Variants in GNG12 observed in about 807,000 individuals in gnomAD.
GNG12 encodes G protein subunit gamma 12, also known as guanine nucleotide-binding protein G(I)/G(S)/G(O) subunit gamma-12.
For missense variants in GNG12, 69 were observed against 83.8 expected (o/e 0.82, Z 0.69); for synonymous variants, 28 against 29.7 (o/e 0.94, Z 0.19).
At chr1:67,827,861 A>G (rs748133110) in intron 1 of GNG12, among the ~76,000 whole-genome samples, 5 of 152,354 alleles carry the variant, frequency 3.3e-5, no homozygotes, top group South Asian at 2.1e-4. Flanking sequence ...AAAGACTAAC[A>G]TGATAAACCA....
chr1:67,723,181 G>C (rs564018274), intron 2 of GNG12, among the ~76,000 whole-genome samples: 1 of 152,298 alleles, frequency 6.6e-6, no homozygotes, highest in Admixed American at 6.5e-5. Context: ...TCCATTCTTG[G>C]GGCTGAATGG....
intron 1 of GNG12, among the ~76,000 whole-genome samples, chr1:67,828,287 C>G (rs78860153): frequency 1.3e-5 from 2 of 152,088 alleles, no homozygotes; most frequent in African/African-American, 4.8e-5. Context: ...GGAAGGTCAC[C>G]TAAAAGGAGT....
intron 2 of GNG12, among the ~76,000 whole-genome samples, chr1:67,708,660 G>T (rs1646264019): frequency 6.6e-6 from 1 of 152,230 alleles, no homozygotes; most frequent in African/African-American, 2.4e-5. Flanking sequence ...GGGGAAAAGT[G>T]TTGCCTGGTG....
chr1:67,750,000 C>CTA (rs1646529016), intron 2 of GNG12, among the ~76,000 whole-genome samples: 1 of 152,158 alleles, frequency 6.6e-6, no homozygotes, highest in African/African-American at 2.4e-5. Flanking sequence ...CTCAGAAAGG[C>CTA]TATGATTCAC....
intron 2 of GNG12, among the ~76,000 whole-genome samples, chr1:67,709,789 C>T (rs1474190475): frequency 7.2e-6 from 1 of 139,648 alleles, no homozygotes; most frequent in Non-Finnish European, 1.5e-5. Context: ...GTGTGCAGTG[C>T]TCTGACTCAC....
chr1:67,712,831 C>CT (rs11310806), intron 2 of GNG12, among the ~76,000 whole-genome samples: 108 of 147,160 alleles, frequency 7.3e-4, no homozygotes, highest in Middle Eastern at 7.1e-3. Context: ...CCATGTGGTT[C>CT]TTTTTTTTTT....
chr1:67,708,207 T>C (rs1317162895), intron 2 of GNG12, among the ~76,000 whole-genome samples: 1 of 152,220 alleles, frequency 6.6e-6, no homozygotes, highest in Non-Finnish European at 1.5e-5. Flanking sequence ...AGAGAGCTCC[T>C]CTAGAGAACT....
At chr1:67,779,301 A>G (rs1646724040) in intron 1 of GNG12, among the ~76,000 whole-genome samples, 1 of 152,210 alleles carries the variant, frequency 6.6e-6, no homozygotes, top group Admixed American at 6.5e-5. Flanking sequence ...CTGCCAAATC[A>G]CAGAGACGGA....
At chr1:67,773,777 C>T (rs535539288) in intron 2 of GNG12, among the ~76,000 whole-genome samples, 35 of 152,246 alleles carry the variant, frequency 2.3e-4, no homozygotes, top group African/African-American at 7.5e-4. Flanking sequence ...GATTTCAACT[C>T]GCGTGCCCAA....
chr1:67,794,400 G>A (rs917975781), intron 1 of GNG12, among the ~76,000 whole-genome samples: 6 of 152,190 alleles, frequency 3.9e-5, no homozygotes, highest in Non-Finnish European at 7.3e-5. Flanking sequence ...CAGGGGTAGT[G>A]TGATCCATGC....
intron 1 of GNG12, among the ~76,000 whole-genome samples, chr1:67,805,916 T>C (rs1341599806): frequency 7.0e-6 from 1 of 143,010 alleles, no homozygotes; most frequent in Non-Finnish European, 1.5e-5. Context: ...AAAAAAAAAA[T>C]CTTACCCATC....
At chr1:67,803,570 C>A (rs552147029) in intron 1 of GNG12, among the ~76,000 whole-genome samples, 10 of 152,268 alleles carry the variant, frequency 6.6e-5, no homozygotes, top group African/African-American at 2.4e-4. Context: ...GCCTCCTGTG[C>A]CATATCTATA....
chr1:67,747,061 T>C (rs900209238), intron 2 of GNG12, among the ~76,000 whole-genome samples: 4 of 152,216 alleles, frequency 2.6e-5, no homozygotes, highest in African/African-American at 7.2e-5. Flanking sequence ...GATCCAACTT[T>C]TATGCACACA....
intron 2 of GNG12, among the ~76,000 whole-genome samples, chr1:67,756,930 T>C (rs1326269806): frequency 6.6e-6 from 1 of 152,242 alleles, no homozygotes; most frequent in Admixed American, 6.5e-5. Context: ...CCAGGTGGCC[T>C]GACAGGGCCT....
intron 2 of GNG12, among the ~76,000 whole-genome samples, chr1:67,774,127 C>G (rs1646690902): frequency 1.3e-5 from 2 of 152,128 alleles, no homozygotes; most frequent in Admixed American, 1.3e-4. Context: ...CATGATCAAC[C>G]CTGCTTCTTC....
At chr1:67,769,636 G>A (rs147618154) in intron 2 of GNG12, among the ~76,000 whole-genome samples, 16 of 152,318 alleles carry the variant, frequency 1.1e-4, no homozygotes, top group African/African-American at 3.4e-4. Context: ...ACAGGTGCAC[G>A]TTGGTATGCA....
intron 1 of GNG12, among the ~76,000 whole-genome samples, chr1:67,784,108 C>T (rs1391173767): frequency 2.7e-5 from 4 of 149,918 alleles, no homozygotes; most frequent in Admixed American, 1.3e-4. Context: ...AAATGTGGCA[C>T]ATATACACCA....
chr1:67,756,612 A>G (rs1488530841), intron 2 of GNG12, among the ~76,000 whole-genome samples: 4 of 152,152 alleles, frequency 2.6e-5, no homozygotes, highest in Admixed American at 6.5e-5. Context: ...TGGTGTGAGC[A>G]TGAGTGCACG....
chr1:67,794,411 C>T (rs1646818247), intron 1 of GNG12, among the ~76,000 whole-genome samples: 1 of 152,182 alleles, frequency 6.6e-6, no homozygotes, highest in Non-Finnish European at 1.5e-5. Context: ...TGATCCATGC[C>T]TCCTTGATTC....
Sources: allele counts gnomAD v4.1 joint callset (sites outside exome capture counted in the v4.1 genomes callset), GRCh38; gene constraint gnomAD v4.1.1; transcripts MANE v1.5; gene names NCBI Gene and HGNC (gene_info 2026-07-23, HGNC 2026-07-21).